Variants in NOD1 observed in about 807,000 individuals in gnomAD.
NOD1 encodes the protein nucleotide-binding oligomerization domain-containing protein 1.
A neutral mutation model predicts 81.2 loss-of-function variants in NOD1; 70 were observed. That is an observed-to-expected ratio of 0.86 (90% confidence interval 0.71 to 1.05). The LOEUF is 1.05. NOD1 is among the 50% of genes least tolerant of loss of function. The pLI, the probability that NOD1 is intolerant of heterozygous loss-of-function variation, is 0.00. For synonymous variants in NOD1, 508 were observed against 526.9 expected (o/e 0.96, Z 0.49); for missense variants, 1,233 against 1,228.0 (o/e 1.00, Z -0.06).
intron 12 of NOD1, among the ~76,000 whole-genome samples, chr7:30,430,685 AAACTGAG>A (rs1562652537): frequency 6.6e-6 from 1 of 152,218 alleles, no homozygotes; most frequent in African/African-American, 2.4e-5. Context: ...TGTCATCTGT[AAACTGAG>A]AATAACTATA....
At chr7:30,425,866 A>G (rs1342057382) in intron 13 of NOD1, among the ~76,000 whole-genome samples, 156 bp from the exon 14 acceptor site, 1 of 152,182 alleles carries the variant, frequency 6.6e-6, no homozygotes, top group African/African-American at 2.4e-5. Context: ...TAGTTCCTTC[A>G]TATTAGCATG....
intron 9 of NOD1, among the ~76,000 whole-genome samples, chr7:30,445,077 C>T (rs932387061): frequency 1.9e-5 from 1 of 51,470 alleles, no homozygotes; most frequent in Non-Finnish European, 3.5e-5. Flanking sequence ...CACATGGACA[C>T]AGGAAGGGGA....
rs1783316890 is a variant in NOD1 at position 30,424,853 on chromosome 7, C to CTG, written c.*783_*784dup. The CTG allele has an allele frequency of 6.6e-6, 1 of 152,260 alleles. No homozygotes were observed. Among genetic ancestry groups the CTG allele is most frequent in the Admixed American group, 6.5e-5 (1 of 15,286 alleles). The allele number at this position is 152,260 out of a possible 1,614,324, so 9.4% of individuals were successfully genotyped here. On this transcript the variant is annotated 3_prime_UTR_variant, in exon 14 of 14. Transcript: ENST00000222823. ...AATCACTTCTTCCCAAGGCCAGACACTGTAGCCCATGGTACTCAGCCTTCT... is the reference window on the plus strand; with the variant it reads ...AATCACTTCTTCCCAAGGCCAGACACTGTGTAGCCCATGGTACTCAGCCTTCT...
chr7:30,432,348 C>A (rs1784023148), intron 12 of NOD1, among the ~76,000 whole-genome samples: 3 of 152,244 alleles, frequency 2.0e-5, no homozygotes, highest in African/African-American at 7.2e-5. Context: ...CATAAAAAGA[C>A]ATTCAACATT....
At chr7:30,466,407 G>A (rs923877657) in intron 1 of NOD1, among the ~76,000 whole-genome samples, 16 of 152,028 alleles carry the variant, frequency 1.1e-4, no homozygotes, top group Admixed American at 9.8e-4. Context: ...GCACAAGATG[G>A]GGGCAGCTGC....
Position 30,456,720 on chromosome 7 carries a change from C to T in NOD1, c.201+1G>A. 1.2e-6 allele frequency: 2 copies of T among 1,613,748 alleles called. No individual in the cohort carries two copies. The highest frequency in any genetic ancestry group is 8.5e-7 in the Non-Finnish European group (1 of 1,179,980). The stretch of plus-strand genomic sequence containing the variant: ...CATGCCCGTCCCTGTCCCCGGGGCA[C>T]CTTGTCAGGCTGGGTGGGGCAGGCA... On this transcript the variant is annotated splice_donor_variant, in intron 4 of 13. Coordinates refer to ENST00000222823, the MANE Select transcript of NOD1 (RefSeq NM_006092.4). LOFTEE classifies it high-confidence loss of function.
In NOD1 at chr7:30,451,304, G is replaced by A. The variant is rs1583755472; in HGVS notation, c.2113C>T (p.Arg705Trp). The change falls in exon 6 of 14, where the codon CGG becomes TGG. Residue 705 changes from arginine (R) to tryptophan (W), a missense_variant. Coordinates refer to ENST00000222823, the MANE Select transcript of NOD1 (RefSeq NM_006092.4). This position sits in a 1 kb window ranked among gnomAD's most constrained non-coding sequence, Gnocchi z 4.2. ...TTGTTGTCTAGGTCTAGGGCCAGCC[G>A]CTTGGGGAAGTGATGCAGGACGAAG... ...LSFVLHHFPK[R>W]LALDLDNNNL... 4 of 1,614,192 alleles carry A rather than the reference G, an allele frequency of 2.5e-6. No individual in the cohort carries two copies. Among genetic ancestry groups the A allele is most frequent in the East Asian group, 2.2e-5 (1 of 44,878 alleles).
At chr7:30,463,150 T>C (rs1787317620) in intron 1 of NOD1, among the ~76,000 whole-genome samples, 1 of 152,086 alleles carries the variant, frequency 6.6e-6, no homozygotes, top group African/African-American at 2.4e-5. Context: ...CAGTCACATA[T>C]GTGTGTGTAT....
intron 5 of NOD1, among the ~76,000 whole-genome samples, chr7:30,454,570 G>A (rs1786143528): frequency 6.6e-6 from 1 of 152,200 alleles, no homozygotes; most frequent in African/African-American, 2.4e-5. Context: ...TGGAAATAAG[G>A]ACTGGCACTC....
intron 1 of NOD1, among the ~76,000 whole-genome samples, chr7:30,468,404 A>G (rs1787928304): frequency 6.6e-6 from 1 of 152,116 alleles, no homozygotes; most frequent in South Asian, 2.1e-4. Context: ...CAGCTCCCCA[A>G]CCCAAATGGT....
chr7:30,431,792 A>C (rs1783975437), intron 12 of NOD1, among the ~76,000 whole-genome samples: 1 of 152,172 alleles, frequency 6.6e-6, no homozygotes, highest in Non-Finnish European at 1.5e-5. Flanking sequence ...AAAATAGATA[A>C]ATTGGACTTC....
intron 12 of NOD1, 31 bp from the exon 13 acceptor site, chr7:30,429,488 C>T (rs1407214220): frequency 2.5e-6 from 4 of 1,590,552 alleles, no homozygotes; most frequent in Admixed American, 3.3e-5. Flanking sequence ...GTATAAAATC[C>T]ATAATACTGG....
rs1786738196 is a variant in NOD1, at chr7:30,459,166, G to A, written c.-136C>T. 1 of 152,440 alleles carries A rather than the reference G, an allele frequency of 6.6e-6. No individual in the cohort carries two copies. The highest frequency in any genetic ancestry group is 1.5e-5 in the Non-Finnish European group (1 of 68,016). 9.4% of individuals were successfully genotyped at this position (152,440 alleles called of 1,614,324 possible). ...GTTAATAATACCTTTTTAAGTTTCT[G>A]GCATCATTCTTTGAAGTTAGAATAT... On this transcript the variant is annotated 5_prime_UTR_variant, in exon 3 of 14. Coordinates refer to ENST00000222823, the MANE Select transcript of NOD1 (RefSeq NM_006092.4).
chr7:30,473,131 A>G (rs1583894247), intron 1 of NOD1, among the ~76,000 whole-genome samples: 1 of 152,094 alleles, frequency 6.6e-6, no homozygotes, highest in Non-Finnish European at 1.5e-5. Flanking sequence ...AGCAATTACT[A>G]CCTCATTATC....
chr7:30,428,106 C>G (rs530004711), intron 13 of NOD1, among the ~76,000 whole-genome samples: 4 of 152,114 alleles, frequency 2.6e-5, no homozygotes, highest in South Asian at 4.1e-4. Context: ...GAGACAGGGT[C>G]TCTGGCACCC....
At chr7:30,429,302 TGCC>T in intron 13 of NOD1, 69 bp downstream of exon 13, 1 of 1,300,026 alleles carries the variant, frequency 7.7e-7, no homozygotes, top group South Asian at 1.2e-5. Flanking sequence ...CCCTGCGTTG[TGCC>T]TTGCACAGTC....
chr7:30,460,484 G>C, intron 1 of NOD1: 1 of 985,436 alleles, frequency 1.0e-6, no homozygotes, highest in Non-Finnish European at 1.2e-6. Context: ...TCCCAGGCCA[G>C]TGGTGCAGAC....
chr7:30,458,039 C>T (rs1269990716), intron 3 of NOD1, among the ~76,000 whole-genome samples: 1 of 151,994 alleles, frequency 6.6e-6, no homozygotes, highest in East Asian at 1.9e-4. Context: ...GATTAGATTC[C>T]CAAGAGAGGT....
At chr7:30,434,163 G>T (rs572406012) in intron 11 of NOD1, among the ~76,000 whole-genome samples, 1 of 152,340 alleles carries the variant, frequency 6.6e-6, no homozygotes, top group South Asian at 2.1e-4. Flanking sequence ...TCGGGCAACA[G>T]GCTTAAGTTC....
Sources: gnomAD v4.1 joint callset for allele counts (sites outside exome capture counted in the v4.1 genomes callset) on GRCh38, gnomAD v4.1.1 for gene constraint, Gnocchi (gnomAD v3.1) non-coding constraint, MANE v1.5 for transcripts, NCBI Gene and HGNC (gene_info 2026-07-23, HGNC 2026-07-21) for gene names.